Variants in KAT6B observed in about 807,000 individuals in gnomAD.
KAT6B encodes histone acetyltransferase KAT6B.
Under a neutral mutation model 187.5 loss-of-function variants are expected in KAT6B, and 10 were observed. The ratio of observed to expected loss-of-function variants is 0.05; its 90% confidence interval spans 0.03 to 0.09. The LOEUF is 0.09. Ranked by LOEUF, KAT6B falls within the 10% of genes least tolerant of loss-of-function variation. The pLI is 1.00. For missense variants in KAT6B, 1,952 were observed against 2,558.9 expected, an observed-to-expected ratio of 0.76 and a Z score of 5.12; for synonymous variants, 861 against 926.8, an observed-to-expected ratio of 0.93 and a Z score of 1.29.
At chr10:74,886,970 G>A (rs188406046) in intron 3 of KAT6B, among the ~76,000 whole-genome samples, 1 of 152,322 alleles carries the variant, frequency 6.6e-6, no homozygotes, top group East Asian at 1.9e-4. Context: ...GGGAGACCAT[G>A]TCAGCAGTGG....
intron 3 of KAT6B, among the ~76,000 whole-genome samples, chr10:74,945,774 C>G (rs561223633): frequency 6.6e-6 from 1 of 152,102 alleles, no homozygotes; most frequent in Non-Finnish European, 1.5e-5. Flanking sequence ...TAAAAGGTTG[C>G]GTGTTTTTGC....
At chr10:74,914,183 C>T (rs1772359822) in intron 3 of KAT6B, among the ~76,000 whole-genome samples, 1 of 149,940 alleles carries the variant, frequency 6.7e-6, no homozygotes, top group African/African-American at 2.5e-5. Flanking sequence ...GAGACTCTGT[C>T]TCCCACAAAA....
intron 3 of KAT6B, among the ~76,000 whole-genome samples, chr10:74,896,499 A>T (rs543383593): frequency 3.9e-5 from 6 of 152,284 alleles, no homozygotes; most frequent in East Asian, 3.9e-4. Flanking sequence ...TATTTTGGCC[A>T]GGCTGGTCTC....
chr10:75,015,917 G>A (rs933499047), intron 13 of KAT6B, among the ~76,000 whole-genome samples: 2 of 152,224 alleles, frequency 1.3e-5, no homozygotes, highest in African/African-American at 4.8e-5. Context: ...GAAGATGGAG[G>A]TGTGCAGGGG....
chr10:74,853,149 C>CT (rs1280260930), intron 3 of KAT6B, among the ~76,000 whole-genome samples: 16 of 129,244 alleles, frequency 1.2e-4, no homozygotes, highest in Non-Finnish European at 2.2e-4. Flanking sequence ...GGGTCTCACT[C>CT]TGTTACCCAG....
chr10:74,851,333 ATTTT>A (rs1212836217), intron 3 of KAT6B, among the ~76,000 whole-genome samples: 1 of 128,320 alleles, frequency 7.8e-6, no homozygotes. Context: ...GATAAGAATG[ATTTT>A]TTTTTTTTTT....
intron 13 of KAT6B, among the ~76,000 whole-genome samples, chr10:74,997,631 C>A (rs890171848): frequency 6.6e-6 from 1 of 152,074 alleles, no homozygotes; most frequent in Non-Finnish European, 1.5e-5. Flanking sequence ...TTAGTAACTG[C>A]AAGATTACAA....
At chr10:74,905,946 G>A (rs1345312859) in intron 3 of KAT6B, among the ~76,000 whole-genome samples, 2 of 151,956 alleles carry the variant, frequency 1.3e-5, no homozygotes, top group Non-Finnish European at 2.9e-5. Context: ...CTCACATTTC[G>A]GCTGAGGTGT....
At chr10:74,854,553 A>G (rs984403530) in intron 3 of KAT6B, among the ~76,000 whole-genome samples, 1 of 152,104 alleles carries the variant, frequency 6.6e-6, no homozygotes. Flanking sequence ...ATGATACTAG[A>G]TTTAAACTAT....
chr10:74,927,925 C>T (rs1016156308), intron 3 of KAT6B, among the ~76,000 whole-genome samples: 23 of 152,144 alleles, frequency 1.5e-4, no homozygotes, highest in African/African-American at 5.6e-4. Flanking sequence ...GTAAGCCAAA[C>T]CAGATCATGA....
intron 13 of KAT6B, among the ~76,000 whole-genome samples, chr10:75,001,452 G>T (rs1420917875): frequency 6.6e-6 from 1 of 151,558 alleles, no homozygotes; most frequent in Non-Finnish European, 1.5e-5. Context: ...ACCCAGGGGG[G>T]TATCATGTCA....
At chr10:74,906,955 C>T (rs1040672233) in intron 3 of KAT6B, among the ~76,000 whole-genome samples, 1 of 152,116 alleles carries the variant, frequency 6.6e-6, no homozygotes, top group Non-Finnish European at 1.5e-5. Context: ...CTTTCTGGAC[C>T]CCTTTACTGC....
chr10:74,866,739 AAAG>A lies in KAT6B; in HGVS notation c.621+23266_621+23268del, dbSNP rs1449317100. On this transcript the variant is annotated intron_variant, in intron 3 of 17. Coordinates refer to ENST00000287239, the MANE Select transcript of KAT6B (RefSeq NM_012330.4). Reference sequence around the variant, plus strand: ...TCTGAGCCTGAGGCCTGCTCTCTCAAAAGAAGATTAACAAGCATTAGAGGCGTT... The same window carrying A: ...TCTGAGCCTGAGGCCTGCTCTCTCAAAAGATTAACAAGCATTAGAGGCGTT... Among the ~76,000 whole-genome samples the A allele has an allele frequency of 2.0e-5, 3 of 152,206 alleles. No individual in the cohort carries two copies. The East Asian group carries it at 5.8e-4, about 29-fold the overall frequency.
chr10:74,984,582 C>T (rs569296978), intron 11 of KAT6B: 1 of 155,496 alleles, frequency 6.4e-6, no homozygotes, highest in South Asian at 2.0e-4. Context: ...TGGGATAAAA[C>T]CAAAATGGAA....
intron 4 of KAT6B, among the ~76,000 whole-genome samples, chr10:74,968,092 G>A (rs1316387071): frequency 2.0e-5 from 3 of 152,088 alleles, no homozygotes; most frequent in African/African-American, 7.3e-5. Context: ...ACTATATAAG[G>A]GGACAGAGGG....
intron 3 of KAT6B, among the ~76,000 whole-genome samples, chr10:74,888,232 A>C (rs981443646): frequency 6.6e-6 from 1 of 152,232 alleles, no homozygotes; most frequent in Non-Finnish European, 1.5e-5. Context: ...TCTTGGGTAT[A>C]GCTGGGAAGT....
At chr10:75,025,679 C>G in intron 17 of KAT6B, 1 of 222,086 alleles carries the variant, frequency 4.5e-6, no homozygotes, top group African/African-American at 2.3e-5. Context: ...ATTAGTAAAT[C>G]AATAGTACAT....
intron 3 of KAT6B, among the ~76,000 whole-genome samples, chr10:74,909,480 C>A (rs1453182233): frequency 6.6e-6 from 1 of 152,184 alleles, no homozygotes; most frequent in East Asian, 1.9e-4. Context: ...TTATTATGGG[C>A]TGGATAGCAG....
chr10:75,013,183 C>G (rs767533242), intron 13 of KAT6B, among the ~76,000 whole-genome samples: 1 of 152,134 alleles, frequency 6.6e-6, no homozygotes, highest in Non-Finnish European at 1.5e-5. Context: ...TTGGGACTGT[C>G]CCTGGGCTCT....
Sources: gnomAD v4.1 joint callset for allele counts (sites outside exome capture counted in the v4.1 genomes callset) on GRCh38, gnomAD v4.1.1 for gene constraint, MANE v1.5 for transcripts, NCBI Gene and HGNC (gene_info 2026-07-23, HGNC 2026-07-21) for gene names.